Variants in TLE4 observed in about 807,000 individuals in gnomAD.
TLE4 encodes transducin-like enhancer protein 4.
TLE4 carries 8 observed loss-of-function variants against 92.8 expected under a neutral mutation model. That is an observed-to-expected ratio of 0.09 (90% CI 0.05 to 0.16). The LOEUF (loss-of-function observed/expected upper bound fraction) is 0.16, where lower values mean the gene tolerates loss of function less well. TLE4 is among the 10% of genes least tolerant of loss of function. The pLI, the probability that TLE4 is intolerant of heterozygous loss-of-function variation, is 1.00. For synonymous variants in TLE4, 371 were observed against 374.1 expected (o/e 0.99, Z 0.10); for missense variants, 675 against 997.6 (o/e 0.68, Z 4.36).
chr9:79,685,678 A>G (rs983817943), intron 8 of TLE4, among the ~76,000 whole-genome samples: 3 of 152,230 alleles, frequency 2.0e-5, no homozygotes, highest in Admixed American at 6.5e-5. Context: ...ATATCTAAAG[A>G]TAACTCATTT....
intron 6 of TLE4, among the ~76,000 whole-genome samples, chr9:79,649,275 C>CAT (rs1564634464): frequency 9.8e-6 from 1 of 102,240 alleles, no homozygotes; most frequent in African/African-American, 3.9e-5. Context: ...CATACATACA[C>CAT]ACACACACAC....
chr9:79,722,675 A>G, intron 18 of TLE4, 74 bp downstream of exon 18: 3 of 1,556,746 alleles, frequency 1.9e-6, no homozygotes, highest in Non-Finnish European at 1.7e-6. Context: ...TTTATTTCCA[A>G]GTCGAATCCT....
intron 6 of TLE4, among the ~76,000 whole-genome samples, chr9:79,628,548 G>A (rs1230994420): frequency 2.0e-5 from 3 of 150,506 alleles, no homozygotes; most frequent in Non-Finnish European, 4.4e-5. Flanking sequence ...TTTTAATGGG[G>A]TATTTGGAGC....
intron 4 of TLE4, among the ~76,000 whole-genome samples, chr9:79,594,814 C>A (rs2043552449): frequency 6.6e-6 from 1 of 152,100 alleles, no homozygotes; most frequent in Non-Finnish European, 1.5e-5. Context: ...TAATTTTGTT[C>A]TCATGCATGT....
At chr9:79,651,422 A>G (rs1012480904) in intron 6 of TLE4, among the ~76,000 whole-genome samples, 3 of 152,146 alleles carry the variant, frequency 2.0e-5, no homozygotes, top group African/African-American at 7.2e-5. Flanking sequence ...AAGCACACCC[A>G]TTCCAGCCTC....
intron 1 of TLE4, chr9:79,573,117 C>G: frequency 1.6e-6 from 1 of 628,226 alleles, no homozygotes; most frequent in Non-Finnish European, 2.2e-6. Flanking sequence ...CGCCGCGACT[C>G]CTCGAGGGGG....
intron 8 of TLE4, among the ~76,000 whole-genome samples, chr9:79,682,978 G>A (rs2135335476): frequency 6.6e-6 from 1 of 152,340 alleles, no homozygotes; most frequent in East Asian, 1.9e-4. Context: ...ATGGCCCACA[G>A]GCCAAATCTA....
intron 5 of TLE4, among the ~76,000 whole-genome samples, chr9:79,617,834 GAAA>G (rs202053188): frequency 7.2e-6 from 1 of 139,188 alleles, no homozygotes; most frequent in Non-Finnish European, 1.6e-5. Flanking sequence ...TTTTTTCAAG[GAAA>G]AAAAAAAAAA....
chr9:79,701,948 A>C (rs1306167084), intron 8 of TLE4, among the ~76,000 whole-genome samples: 1 of 152,236 alleles, frequency 6.6e-6, no homozygotes. Flanking sequence ...GGAGGAACAA[A>C]ATGTTAAGGG....
intron 4 of TLE4, among the ~76,000 whole-genome samples, chr9:79,591,211 G>T (rs2042458929): frequency 6.6e-6 from 1 of 152,198 alleles, no homozygotes; most frequent in Non-Finnish European, 1.5e-5. Flanking sequence ...AAGAGAAGGG[G>T]GTCTTTCTGG....
At chr9:79,684,940 G>A (rs2065513765) in intron 8 of TLE4, among the ~76,000 whole-genome samples, 1 of 152,196 alleles carries the variant, frequency 6.6e-6, no homozygotes, top group South Asian at 2.1e-4. Flanking sequence ...AGTTTTAGAG[G>A]TAAAGGAAAG....
chr9:79,663,277 G>C (rs1431698838), intron 8 of TLE4, among the ~76,000 whole-genome samples: 1 of 152,208 alleles, frequency 6.6e-6, no homozygotes, highest in African/African-American at 2.4e-5. Flanking sequence ...ATAGATAGTT[G>C]TCTGGTAAGC....
At chr9:79,574,267 T>G (rs2036967544) in intron 2 of TLE4, 1 of 152,408 alleles carries the variant, frequency 6.6e-6, no homozygotes, top group South Asian at 2.1e-4. Context: ...TTTTTAGACT[T>G]AGGGTGCCTT....
At chr9:79,689,748 T>C (rs142789021) in intron 8 of TLE4, among the ~76,000 whole-genome samples, 89 of 152,318 alleles carry the variant, frequency 5.8e-4, no homozygotes, top group African/African-American at 1.8e-3. Flanking sequence ...TGAAGGTGAC[T>C]TGTGCTGATA....
chr9:79,694,646 G>A (rs915347927), intron 8 of TLE4, among the ~76,000 whole-genome samples: 2 of 151,978 alleles, frequency 1.3e-5, no homozygotes, highest in Non-Finnish European at 2.9e-5. Context: ...TTTACGTAAA[G>A]CACCAGGTAG....
chr9:79,698,859 TTA>T (rs1349419827), intron 8 of TLE4, among the ~76,000 whole-genome samples: 2 of 146,286 alleles, frequency 1.4e-5, no homozygotes, highest in Non-Finnish European at 3.0e-5. Flanking sequence ...GGATTATTTC[TTA>T]TATATATATA....
At chr9:79,590,182 A>C (rs1399352235) in intron 4 of TLE4, among the ~76,000 whole-genome samples, 2 of 152,212 alleles carry the variant, frequency 1.3e-5, no homozygotes, top group African/African-American at 4.8e-5. Context: ...AAATATAGTC[A>C]ACCTAAAGTG....
intron 16 of TLE4, 109 bp downstream of exon 16, chr9:79,720,402 G>C: frequency 8.1e-7 from 1 of 1,227,838 alleles, no homozygotes; most frequent in Non-Finnish European, 1.1e-6. Context: ...GTGTGTGTGT[G>C]TGTGTGTGTG....
At chr9:79,582,190 C>A (rs1043515088) in intron 4 of TLE4, among the ~76,000 whole-genome samples, 2 of 152,024 alleles carry the variant, frequency 1.3e-5, no homozygotes, top group African/African-American at 4.8e-5. Flanking sequence ...GAAAGAGGTT[C>A]GTCGATGCAG....
Sources: allele counts gnomAD v4.1 joint callset (sites outside exome capture counted in the v4.1 genomes callset), GRCh38; gene constraint gnomAD v4.1.1; transcripts MANE v1.5; gene names NCBI Gene and HGNC (gene_info 2026-07-23, HGNC 2026-07-21).